Variants in BRAF observed in about 807,000 individuals in gnomAD.
BRAF encodes the protein B-Raf proto-oncogene, serine/threonine kinase.
In BRAF, 16 loss-of-function variants were observed where a neutral mutation model predicts 104.6. The ratio of observed to expected loss-of-function variants is 0.15; its 90% CI spans 0.10 to 0.23. The LOEUF (loss-of-function observed/expected upper bound fraction) is 0.23. BRAF is among the 10% of genes least tolerant of loss of function. The pLI, the probability that BRAF is intolerant of heterozygous loss-of-function variation, is 1.00. For synonymous variants in BRAF, 310 were observed against 341.6 expected (o/e 0.91, Z 1.02); for missense variants, 541 against 937.3 (o/e 0.58, Z 5.52).
In BRAF at chr7:140,726,329, CCT is replaced by C; in HGVS notation, c.*163_*164del. ...AATTCTGGTTCCTAAAACATTCTTT[CCT>C]CTTTTGTTGGATGGGAAATTCCATT... On this transcript the variant is annotated 3_prime_UTR_variant, in exon 20 of 20. Transcript: ENST00000644969. 1 of 1,431,502 alleles carries C rather than the reference CCT, an allele frequency of 7.0e-7. No homozygotes were observed. 88.7% of individuals were successfully genotyped at this position (1,431,502 alleles called of 1,614,324 possible). A position where few individuals can be genotyped will look rare whatever the true frequency, so the allele number is the denominator to read the frequency against.
At chr7:140,842,760 ATTCT>A in intron 2 of BRAF, among the ~76,000 whole-genome samples, 1 of 152,184 alleles carries the variant, frequency 6.6e-6, no homozygotes, top group Non-Finnish European at 1.5e-5. Context: ...CAAATTTGAA[ATTCT>A]TTAGAGTACT....
chr7:140,812,646 ATT>A (rs1267910287), intron 3 of BRAF, among the ~76,000 whole-genome samples: 2 of 152,194 alleles, frequency 1.3e-5, no homozygotes, highest in Admixed American at 6.5e-5. Flanking sequence ...TGTAGGCTGA[ATT>A]TTTATACTAT....
intron 3 of BRAF, among the ~76,000 whole-genome samples, chr7:140,826,830 C>CA (rs1349309138): frequency 6.6e-6 from 1 of 152,130 alleles, no homozygotes; most frequent in African/African-American, 2.4e-5. Context: ...ACGTTAATTC[C>CA]ATAACAATAT....
At chr7:140,732,165 T>C (rs1796020596) in intron 19 of BRAF, 1 of 42,188 alleles carries the variant, frequency 2.4e-5, no homozygotes, top group African/African-American at 7.5e-5. Context: ...AGCGAGACTC[T>C]GTCTCAAAAA....
At chr7:140,759,535 T>C (rs1239833420) in intron 14 of BRAF, among the ~76,000 whole-genome samples, 2 of 152,224 alleles carry the variant, frequency 1.3e-5, no homozygotes, top group African/African-American at 2.4e-5. Context: ...TACAGGCAAG[T>C]ACCACCACGT....
At chr7:140,907,798 G>A (rs923716085) in intron 1 of BRAF, among the ~76,000 whole-genome samples, 2 of 151,416 alleles carry the variant, frequency 1.3e-5, no homozygotes, top group Non-Finnish European at 2.9e-5. Context: ...AGGCTGGAGT[G>A]CAGTGGTGCC....
intron 5 of BRAF, among the ~76,000 whole-genome samples, chr7:140,807,306 T>A (rs1409365426): frequency 1.3e-5 from 2 of 152,222 alleles, no homozygotes; most frequent in African/African-American, 4.8e-5. Context: ...AGACCTTGTT[T>A]AGCCCTGTAT....
Position 140,777,998 on chromosome 7 carries a change from C to T in BRAF, c.1630G>A (p.Val544Ile), listed in dbSNP as rs2129019497. The T allele has an allele frequency of 6.2e-7, 1 of 1,613,336 alleles. No homozygotes were observed. Among genetic ancestry groups the T allele is most frequent in the Non-Finnish European group, 8.5e-7 (1 of 1,179,684 alleles). Residue 544 changes from valine to isoleucine, a missense_variant, in exon 13 of 20, where the codon GTA becomes ATA. This residue lies in a region of BRAF where 7 missense variants were observed against 47.2 expected (regional missense o/e 0.15). Coordinates refer to ENST00000644969, the MANE Select transcript of BRAF (RefSeq NM_001374258.1). ...TAATTCACACAAGCTCACCTGAGTA[C>T]TCCTACTTCATTTTTGAAGGCTTGT... ...QLQAFKNEVG[V>I]LRKTRHVNIL...
At chr7:140,878,449 T>C (rs993787705) in intron 1 of BRAF, among the ~76,000 whole-genome samples, 2 of 151,814 alleles carry the variant, frequency 1.3e-5, no homozygotes, top group African/African-American at 4.8e-5. Flanking sequence ...TTTTGTGCAA[T>C]GAATATTCTC....
At chr7:140,751,028 T>G (rs987226830) in intron 16 of BRAF, among the ~76,000 whole-genome samples, 25 of 152,220 alleles carry the variant, frequency 1.6e-4, no homozygotes, top group Non-Finnish European at 2.6e-4. Flanking sequence ...TTCTCTCCTA[T>G]GATACGGATG....
chr7:140,801,879 G>A (rs183156669), intron 5 of BRAF, among the ~76,000 whole-genome samples: 3 of 152,238 alleles, frequency 2.0e-5, no homozygotes, highest in Admixed American at 1.3e-4. Flanking sequence ...AAACAGAGGT[G>A]AAAGGAAGAA....
chr7:140,814,793 A>ATATATATTATATATAACATATATAATT, intron 3 of BRAF, among the ~76,000 whole-genome samples: 2 of 130,814 alleles, frequency 1.5e-5, no homozygotes, highest in African/African-American at 5.8e-5. Flanking sequence ...TATATATAAC[A>ATATATATTATATATAACATATATAATT]TATATATATT....
At chr7:140,816,760 G>C (rs7806677) in intron 3 of BRAF, among the ~76,000 whole-genome samples, 3 of 151,952 alleles carry the variant, frequency 2.0e-5, no homozygotes, top group African/African-American at 7.2e-5. Context: ...TCTTCTCACA[G>C]AACTAAAAAC....
At chr7:140,818,142 A>T (rs1169233807) in intron 3 of BRAF, among the ~76,000 whole-genome samples, 1 of 152,144 alleles carries the variant, frequency 6.6e-6, no homozygotes, top group African/African-American at 2.4e-5. Context: ...TTTGGGGACA[A>T]GATGGGACGA....
Position 140,858,472 on chromosome 7 carries a change from G to A in BRAF, c.139-8260C>T, listed in dbSNP as rs368820139. On this transcript the variant is annotated intron_variant, in intron 1 of 19. Transcript: ENST00000644969. ...GGCAATTGGACTAATCCAAAATGTG[G>A]GACATTCTAAGACAACTGTCCTGGA... 2.6e-5 allele frequency among the ~76,000 whole-genome samples: 4 copies of A among 152,190 alleles called. No individual in the cohort carries two copies. In the East Asian group the frequency reaches 5.8e-4, roughly 22 times the overall value.
At chr7:140,852,340 G>T (rs1809264266) in intron 1 of BRAF, among the ~76,000 whole-genome samples, 1 of 149,094 alleles carries the variant, frequency 6.7e-6, no homozygotes, top group African/African-American at 2.5e-5. Context: ...CTACACTCCG[G>T]CCTGGGCAAC....
intron 14 of BRAF, among the ~76,000 whole-genome samples, chr7:140,763,419 G>A (rs957859616): frequency 1.3e-5 from 2 of 150,828 alleles, no homozygotes; most frequent in African/African-American, 4.9e-5. Context: ...GCCGGGCAGA[G>A]GCGCCCCTCA....
intron 14 of BRAF, among the ~76,000 whole-genome samples, chr7:140,768,734 C>A (rs1399466253): frequency 2.0e-5 from 3 of 152,050 alleles, no homozygotes; most frequent in Non-Finnish European, 2.9e-5. Flanking sequence ...TGGGCTCAAG[C>A]AATCCTCCCT....
intron 2 of BRAF, among the ~76,000 whole-genome samples, chr7:140,848,302 G>A (rs1212288668): frequency 6.6e-6 from 1 of 152,180 alleles, no homozygotes; most frequent in Non-Finnish European, 1.5e-5. Context: ...CTAACTAGCA[G>A]TGTCACCTTA....
Sources: allele counts gnomAD v4.1 joint callset (sites outside exome capture counted in the v4.1 genomes callset), GRCh38; gene constraint gnomAD v4.1.1; regional missense constraint gnomAD v4.1.1; transcripts MANE v1.5; gene names NCBI Gene and HGNC (gene_info 2026-07-23, HGNC 2026-07-21).